Variants in TMEM132B observed in about 807,000 individuals in gnomAD.
TMEM132B encodes transmembrane protein 132B.
In TMEM132B, 18 loss-of-function variants were observed where a neutral mutation model predicts 90.8. That is an observed-to-expected ratio of 0.20 (90% CI 0.14 to 0.29). The LOEUF (loss-of-function observed/expected upper bound fraction) is 0.29. Ranked by LOEUF, TMEM132B falls within the 10% of genes least tolerant of loss-of-function variation. TMEM132B has a pLI of 1.00. For missense variants in TMEM132B, 1,096 were observed against 1,326.8 expected, an observed-to-expected ratio of 0.83 and a Z score of 2.70; for synonymous variants, 504 against 523.3, an observed-to-expected ratio of 0.96 and a Z score of 0.50.
intron 1 of TMEM132B, among the ~76,000 whole-genome samples, chr12:125,247,054 T>G (rs1874222324): frequency 6.6e-6 from 1 of 152,206 alleles, no homozygotes; most frequent in Non-Finnish European, 1.5e-5. Context: ...GCAGGAATAT[T>G]TCTTCTGTGT....
rs144884363 is a variant in TMEM132B at position 125,438,527 on chromosome 12, C to T, written c.1106+22850C>T. ...AAAGTTAAGAGCTATTTCAAGCATA[C>T]TTAAAACTGTAGAGGATATTGTAGC... On this transcript the variant is annotated intron_variant, in intron 3 of 8. Transcript: ENST00000682704. Among the ~76,000 whole-genome samples, 903 of 152,308 alleles carry T rather than the reference C, an allele frequency of 5.9e-3. 6 individuals carry two copies. The highest frequency in any genetic ancestry group is 0.02 in the African/African-American group (842 of 41,558).
chr12:125,475,155 A>AGTGT (rs377654898), intron 3 of TMEM132B, among the ~76,000 whole-genome samples: 2 of 151,526 alleles, frequency 1.3e-5, no homozygotes, highest in African/African-American at 4.8e-5. Flanking sequence ...ATAAATTAGA[A>AGTGT]GTGTGTGTGT....
chr12:125,590,232 A>T (rs1031465254), intron 5 of TMEM132B, among the ~76,000 whole-genome samples: 1 of 152,132 alleles, frequency 6.6e-6, no homozygotes, highest in African/African-American at 2.4e-5. Flanking sequence ...CCTTATTGCA[A>T]TGCAAGAATG....
At position 125,642,270 on chromosome 12, in the gene TMEM132B, GA is replaced by G. The variant is rs756010292; in HGVS notation, c.1438-1805del. ...TCCACTCCATTTTCTTCTCTGAATG[GA>G]GATCTTGTTCTGATTATTCTCTTTA... On this transcript the variant is annotated intron_variant, in intron 5 of 8. Coordinates refer to ENST00000682704, the MANE Select transcript of TMEM132B (RefSeq NM_001366854.1). 1.4e-4 allele frequency among the ~76,000 whole-genome samples: 21 copies of G among 152,226 alleles called. 3 individuals carry two copies. The South Asian group carries it at 4.4e-3, about 32-fold the overall frequency.
At chr12:125,554,241 G>A (rs1343877066) in intron 4 of TMEM132B, among the ~76,000 whole-genome samples, 1 of 151,504 alleles carries the variant, frequency 6.6e-6, no homozygotes, top group African/African-American at 2.4e-5. Flanking sequence ...GGCTAACATG[G>A]TGAAACCCTG....
At chr12:125,403,796 G>A (rs533614345) in intron 2 of TMEM132B, among the ~76,000 whole-genome samples, 1 of 152,250 alleles carries the variant, frequency 6.6e-6, no homozygotes, top group Non-Finnish European at 1.5e-5. Context: ...CCTCTCCCAC[G>A]TGATTAGGAG....
intron 1 of TMEM132B, among the ~76,000 whole-genome samples, chr12:125,237,083 C>T (rs112661816): frequency 6.6e-6 from 1 of 152,222 alleles, no homozygotes; most frequent in African/African-American, 2.4e-5. Flanking sequence ...TGGCCTTCCT[C>T]CCTTCTCTAT....
At chr12:125,432,407 GTGTATATATATA>G (rs1593143835) in intron 3 of TMEM132B, among the ~76,000 whole-genome samples, 5 of 28,234 alleles carry the variant, frequency 1.8e-4, no homozygotes, top group African/African-American at 4.1e-4. Context: ...ATGTATGTAT[GTGTATATATATA>G]TATGTATGTG....
rs772416394 is a variant in TMEM132B, at chr12:125,653,988, G to A, written c.2530G>A (p.Gly844Ser). ...QEWFHRGTPV[G>S]QEESTNKSTT... ...ATGGTTCCACCGTGGCACACCTGTT[G>A]GCCAAGAGGAAAGTACCAACAAAAG... Residue 844 changes from glycine to serine, a missense_variant, in exon 9 of 9, where the codon GGC becomes AGC. Gly to Ser is a moderately conservative substitution (Grantham distance 56). Coordinates refer to ENST00000682704, the MANE Select transcript of TMEM132B (RefSeq NM_001366854.1). The A allele has an allele frequency of 1.2e-6, 2 of 1,614,166 alleles. No homozygotes were observed. Among genetic ancestry groups the A allele is most frequent in the African/African-American group, 2.7e-5 (2 of 75,026 alleles).
rs989417984 is a variant in TMEM132B at position 125,490,735 on chromosome 12, G to A, written c.1107-28704G>A. The stretch of plus-strand genomic sequence containing the variant: ...CCCGTCTTGGCCTCCCAAAGTGCTG[G>A]GATTACAGGTGTGAGCCACCGCGCC... On this transcript the variant is annotated intron_variant, in intron 3 of 8. Transcript: ENST00000682704. The surrounding 1 kb of genome is among the most constrained non-coding windows in gnomAD (Gnocchi z 4.2). Among the ~76,000 whole-genome samples the A allele has an allele frequency of 2.6e-5, 4 of 152,136 alleles. No individual in the cohort carries two copies. Among genetic ancestry groups the A allele is most frequent in the Admixed American group, 6.6e-5 (1 of 15,262 alleles).
intron 3 of TMEM132B, among the ~76,000 whole-genome samples, chr12:125,474,047 C>T (rs886968217): frequency 1.2e-3 from 160 of 131,932 alleles, no homozygotes; most frequent in African/African-American, 4.5e-3. Context: ...TCCTTCCTTC[C>T]TTCTTTCTTT....
chr12:125,546,668 A>G (rs1433445155), intron 4 of TMEM132B, among the ~76,000 whole-genome samples: 1 of 152,346 alleles, frequency 6.6e-6, no homozygotes, highest in African/African-American at 2.4e-5. Flanking sequence ...TTGTATGGAT[A>G]TATGAATTTA....
chr12:125,228,150 G>C (rs535344308), intron 1 of TMEM132B, among the ~76,000 whole-genome samples: 11 of 152,140 alleles, frequency 7.2e-5, no homozygotes, highest in Non-Finnish European at 1.2e-4. Context: ...CATTAGCAAA[G>C]TTCCTGGGAG....
intron 1 of TMEM132B, chr12:125,300,920 C>T (rs956938611): frequency 9.9e-5 from 15 of 152,004 alleles, no homozygotes; most frequent in Admixed American, 5.2e-4. Flanking sequence ...ACAGCTTTCT[C>T]GGTGACTTCT....
chr12:125,562,291 T>C (rs769135324), intron 4 of TMEM132B, among the ~76,000 whole-genome samples: 24 of 152,238 alleles, frequency 1.6e-4, no homozygotes, highest in Admixed American at 2.6e-4. Context: ...GGGAATGTTG[T>C]GGCTGGTTCA....
At chr12:125,542,911 A>G (rs1028382430) in intron 4 of TMEM132B, among the ~76,000 whole-genome samples, 1 of 152,222 alleles carries the variant, frequency 6.6e-6, no homozygotes, top group African/African-American at 2.4e-5. Context: ...AGCGTCAGCA[A>G]TGTGGCAGCT....
At chr12:125,197,909 G>A (rs1872960950) in intron 1 of TMEM132B, among the ~76,000 whole-genome samples, 1 of 152,222 alleles carries the variant, frequency 6.6e-6, no homozygotes, top group Non-Finnish European at 1.5e-5. Context: ...GGTAATTACA[G>A]TAGATTTATG....
At chr12:125,530,104 C>G (rs1333065455) in intron 4 of TMEM132B, among the ~76,000 whole-genome samples, 1 of 152,132 alleles carries the variant, frequency 6.6e-6, no homozygotes, top group African/African-American at 2.4e-5. Context: ...CATTTTAAAA[C>G]AAATGGCATT....
At chr12:125,321,188 G>C (rs909141894) in intron 1 of TMEM132B, among the ~76,000 whole-genome samples, 10 of 152,180 alleles carry the variant, frequency 6.6e-5, no homozygotes, top group Admixed American at 6.5e-4. Context: ...TCTGACTTTG[G>C]GGGAGAGAAA....
Sources: allele counts gnomAD v4.1 joint callset (sites outside exome capture counted in the v4.1 genomes callset), GRCh38; gene constraint gnomAD v4.1.1; non-coding constraint Gnocchi (gnomAD v3.1); transcripts MANE v1.5; gene names NCBI Gene and HGNC (gene_info 2026-07-23, HGNC 2026-07-21).